RALGAPA2: variants seen among roughly 807,000 people sequenced by gnomAD.
RALGAPA2 encodes the protein Ral GTPase activating protein catalytic subunit alpha 2.
A neutral mutation model predicts 230.4 loss-of-function variants in RALGAPA2; 139 were observed. That is an observed-to-expected ratio of 0.60 (90% CI 0.53 to 0.69). RALGAPA2 has a LOEUF of 0.69. RALGAPA2 is among the 30% of genes least tolerant of loss of function. The probability of loss-of-function intolerance (pLI) is 0.00; values close to 1 mark genes in which losing one functional copy is unlikely to be tolerated. For missense variants in RALGAPA2, 2,163 were observed against 2,276.0 expected (o/e 0.95, Z 1.01); for synonymous variants, 847 against 837.8 (o/e 1.01, Z -0.19).
chr20:20,535,929 T>C (rs1247742022), intron 25 of RALGAPA2, 126 bp from the exon 26 acceptor site: 7 of 1,378,674 alleles, frequency 5.1e-6, no homozygotes, highest in Non-Finnish European at 6.6e-6. Flanking sequence ...AGCTCATCTA[T>C]GAGTGAGAGC....
At chr20:20,689,115 C>A (rs2068807222) in intron 1 of RALGAPA2, among the ~76,000 whole-genome samples, 1 of 152,154 alleles carries the variant, frequency 6.6e-6, no homozygotes. Context: ...TAAGAAAAAT[C>A]TGAAATCAGA....
chr20:20,610,980 G>A (rs2065959341), intron 14 of RALGAPA2, among the ~76,000 whole-genome samples: 1 of 152,098 alleles, frequency 6.6e-6, no homozygotes, highest in Non-Finnish European at 1.5e-5. Context: ...CCAACACACT[G>A]ATGGCTCTCA....
chr20:20,632,469 T>A (rs2066708443), intron 9 of RALGAPA2, among the ~76,000 whole-genome samples: 1 of 152,202 alleles, frequency 6.6e-6, no homozygotes, highest in African/African-American at 2.4e-5. Context: ...TTCTTTCTAC[T>A]TCTCATCATC....
chr20:20,691,409 A>G (rs983195066), intron 1 of RALGAPA2, among the ~76,000 whole-genome samples: 2 of 152,208 alleles, frequency 1.3e-5, no homozygotes, highest in African/African-American at 2.4e-5. Context: ...ACCTGATTCA[A>G]TTGAAAGTAT....
chr20:20,539,234 C>T (rs954132092), intron 24 of RALGAPA2, among the ~76,000 whole-genome samples: 5 of 152,086 alleles, frequency 3.3e-5, no homozygotes, highest in Admixed American at 1.3e-4. Flanking sequence ...TCCTACCTAG[C>T]AGGGGTACTT....
intron 4 of RALGAPA2, among the ~76,000 whole-genome samples, chr20:20,646,141 G>A (rs929558701): frequency 2.1e-4 from 32 of 151,368 alleles, no homozygotes; most frequent in African/African-American, 7.3e-4. Flanking sequence ...TGCAACCTCC[G>A]CCTCTAGGGC....
intron 3 of RALGAPA2, among the ~76,000 whole-genome samples, chr20:20,661,067 T>C (rs906507727): frequency 6.6e-6 from 1 of 152,198 alleles, no homozygotes; most frequent in Non-Finnish European, 1.5e-5. Flanking sequence ...AAATTAATAA[T>C]AATCTGGGTA....
At chr20:20,560,792 A>T (rs1490592554) in intron 23 of RALGAPA2, among the ~76,000 whole-genome samples, 3 of 152,230 alleles carry the variant, frequency 2.0e-5, no homozygotes, top group Admixed American at 6.5e-5. Context: ...GAAAAATGTA[A>T]CATTTCTTAA....
At chr20:20,486,883 T>G (rs1569438252) in intron 36 of RALGAPA2, among the ~76,000 whole-genome samples, 1 of 152,228 alleles carries the variant, frequency 6.6e-6, no homozygotes, top group Non-Finnish European at 1.5e-5. Context: ...ATTCTTTGTT[T>G]CTGTCATAGG....
chr20:20,654,014 A>G (rs2067498174), intron 3 of RALGAPA2, among the ~76,000 whole-genome samples: 1 of 152,230 alleles, frequency 6.6e-6, no homozygotes, highest in African/African-American at 2.4e-5. Context: ...AGAAAAGTGA[A>G]AACAAAGAGA....
rs2059588880 is a variant in RALGAPA2 at position 20,390,694 on chromosome 20, A to AAAAAAAT, written c.*2588_*2594dup. The AAAAAAAT allele has an allele frequency of 6.6e-6, 1 of 152,192 alleles. No homozygotes were observed. Among genetic ancestry groups the AAAAAAAT allele is most frequent in the African/African-American group, 2.4e-5 (1 of 41,436 alleles). 9.4% of individuals were successfully genotyped at this position (152,192 alleles called of 1,614,324 possible). A position where few individuals can be genotyped will look rare whatever the true frequency, so the allele number is the denominator to read the frequency against. The stretch of plus-strand genomic sequence containing the variant: ...CACAATATTTGCTTTTCTAAGTAAA[A>AAAAAAAT]AAAAAATAAAAAAGAAACTTGATCA... On this transcript the variant is annotated 3_prime_UTR_variant, in exon 40 of 40. Transcript: ENST00000202677.
At chr20:20,414,586 C>A (rs1441604986) in intron 37 of RALGAPA2, among the ~76,000 whole-genome samples, 1 of 152,150 alleles carries the variant, frequency 6.6e-6, no homozygotes, top group African/African-American at 2.4e-5. Context: ...TTGTCATAAG[C>A]TTGTCCTTGT....
intron 32 of RALGAPA2, 92 bp downstream of exon 32, chr20:20,512,421 A>C: frequency 7.8e-7 from 1 of 1,287,950 alleles, no homozygotes; most frequent in South Asian, 1.6e-5. Flanking sequence ...CTCTTCCCCA[A>C]TCTTTTCTTC....
In RALGAPA2 at chr20:20,578,434, C is replaced by T. The variant is rs371516719; in HGVS notation, c.2707+4616G>A. On this transcript the variant is annotated intron_variant, in intron 20 of 39. Transcript: ENST00000202677. ...TGTTTTATTACTACTTAATGCTATA[C>T]GGGTGTTTAAAATTTTTTTATTAAA... Among the ~76,000 whole-genome samples the T allele has an allele frequency of 9.9e-5, 15 of 152,112 alleles. 1 individual carries two copies. Among genetic ancestry groups the T allele is most frequent in the African/African-American group, 3.6e-4 (15 of 41,520 alleles).
In RALGAPA2 at chr20:20,546,806, G is replaced by A. The variant is rs1309174801; in HGVS notation, c.3183C>T (p.His1061=). The part of the protein sequence containing the change: ...DQDILNTIIR[H]CPPRFFSLGF... ...CCAGGGAGAAAAAGCGGGGTGGACA[G>A]TGCCTTATGATCGTATTTAAGATAT... The change falls in exon 24 of 40, where the codon CAC becomes CAT. Residue 1061 remains histidine, a synonymous_variant. Transcript: ENST00000202677. 6.2e-7 allele frequency: 1 copy of A among 1,605,338 alleles called. No individual in the cohort carries two copies. Among genetic ancestry groups the A allele is most frequent in the Non-Finnish European group, 8.5e-7 (1 of 1,177,502 alleles).
intron 37 of RALGAPA2, among the ~76,000 whole-genome samples, chr20:20,423,670 TTA>T (rs1270117291): frequency 1.3e-5 from 2 of 152,218 alleles, no homozygotes; most frequent in Admixed American, 6.5e-5. Context: ...TCACAAGATT[TTA>T]TCTCTCTTTC....
At chr20:20,471,104 T>TA in intron 37 of RALGAPA2, 1 of 152,360 alleles carries the variant, frequency 6.6e-6, no homozygotes, top group South Asian at 2.1e-4. Context: ...TTTTGTGAGT[T>TA]AGAGTACATT....
At position 20,708,523 on chromosome 20, in the gene RALGAPA2, G is replaced by A. The variant is rs572951716; in HGVS notation, c.106+3852C>T. On this transcript the variant is annotated intron_variant, in intron 1 of 39. Transcript: ENST00000202677. ...TTCCCCTGCACAAGCTCTCTTGCCT[G>A]CCACCATGTAAGACATGACTTTGCT... Among the ~76,000 whole-genome samples, 3 of 152,298 alleles carry A rather than the reference G, an allele frequency of 2.0e-5. No homozygotes were observed. In the South Asian group the frequency reaches 6.2e-4, roughly 32 times the overall value.
chr20:20,505,114 A>T (rs941196949), intron 34 of RALGAPA2: 1 of 985,458 alleles, frequency 1.0e-6, no homozygotes, highest in Non-Finnish European at 1.2e-6. Context: ...CTCTGCCCAC[A>T]TTTGTCTTCT....
Sources: allele counts gnomAD v4.1 joint callset (sites outside exome capture counted in the v4.1 genomes callset), GRCh38; gene constraint gnomAD v4.1.1; transcripts MANE v1.5; gene names NCBI Gene and HGNC (gene_info 2026-07-23, HGNC 2026-07-21).